The following MYO18B variants were observed in gnomAD, a reference collection of about 807,000 sequenced individuals.
MYO18B encodes myosin XVIIIB.
MYO18B carries 204 observed loss-of-function variants against 273.0 expected under a neutral mutation model. That is an observed-to-expected ratio of 0.75 (90% CI 0.67 to 0.84). The LOEUF (loss-of-function observed/expected upper bound fraction) is 0.84. Ranked by LOEUF, MYO18B falls within the 40% of genes least tolerant of loss-of-function variation. MYO18B has a pLI of 0.00. For synonymous variants in MYO18B, 1,330 were observed against 1,305.7 expected (o/e 1.02, Z -0.40); for missense variants, 3,212 against 3,287.6 (o/e 0.98, Z 0.56).
chr22:25,929,468 C>G (rs1334032193), intron 34 of MYO18B, among the ~76,000 whole-genome samples: 1 of 152,220 alleles, frequency 6.6e-6, no homozygotes, highest in Non-Finnish European at 1.5e-5. Context: ...CAAATAACAT[C>G]TGTGAGCAGC....
chr22:26,027,413 C>A lies in MYO18B; in HGVS notation c.7439C>A (p.Ala2480Asp). The change falls in exon 43 of 44, where the codon GCT (alanine) becomes GAT (aspartate). Residue 2480 changes from alanine (A) to aspartate (D), a missense_variant. Transcript: ENST00000335473. This position sits in a 1 kb window ranked among gnomAD's most constrained non-coding sequence, Gnocchi z 4.1. ...AGCATCCACTTTGAAACGGAAGAGGCTAACCGTTCCTTTCTCTCGGGGATC... is the reference window on the plus strand; with the variant it reads ...AGCATCCACTTTGAAACGGAAGAGGATAACCGTTCCTTTCTCTCGGGGATC... ...RSSIHFETEEANRSFLSGIKT... is the reference protein window; with the variant it reads ...RSSIHFETEEDNRSFLSGIKT... 11 of 1,613,968 alleles carry A rather than the reference C, an allele frequency of 6.8e-6. No homozygotes were observed. The highest frequency in any genetic ancestry group is 9.3e-6 in the Non-Finnish European group (11 of 1,179,878).
At chr22:25,755,309 C>T (rs577885401) in intron 1 of MYO18B, among the ~76,000 whole-genome samples, 3 of 152,236 alleles carry the variant, frequency 2.0e-5, no homozygotes, top group African/African-American at 4.8e-5. Context: ...CAGGTTCAAG[C>T]GATTCTCCTG....
At chr22:25,914,443 T>G (rs766632814) in intron 33 of MYO18B, among the ~76,000 whole-genome samples, 12 of 152,084 alleles carry the variant, frequency 7.9e-5, no homozygotes, top group African/African-American at 1.7e-4. Flanking sequence ...TGGACTTTTT[T>G]GTTAGATTTA....
chr22:25,782,294 G>A (rs146468460), intron 10 of MYO18B, among the ~76,000 whole-genome samples: 128 of 152,324 alleles, frequency 8.4e-4, no homozygotes, highest in African/African-American at 2.8e-3. Context: ...CCCTGGCAGC[G>A]GTATGGGAAG....
chr22:25,891,084 G>A (rs978918700), intron 26 of MYO18B, among the ~76,000 whole-genome samples: 2 of 152,180 alleles, frequency 1.3e-5, no homozygotes, highest in Admixed American at 6.5e-5. Context: ...CTAGAGAGGC[G>A]AATAGGAGAG....
chr22:25,763,987 TG>T (rs766882266), intron 3 of MYO18B, among the ~76,000 whole-genome samples: 6 of 152,194 alleles, frequency 3.9e-5, no homozygotes, highest in Non-Finnish European at 8.8e-5. Context: ...AGGTGGTAAA[TG>T]GTTGTAACCC....
intron 29 of MYO18B, among the ~76,000 whole-genome samples, chr22:25,902,247 T>C (rs926669532): frequency 1.6e-4 from 24 of 152,178 alleles, no homozygotes; most frequent in Non-Finnish European, 2.6e-4. Context: ...ATTAGCATTT[T>C]AGTAGGGAGA....
Position 25,768,828 on chromosome 22 carries a change from T to C in MYO18B, c.912T>C (p.Ser304=). ...EKGNVSKDVG[S]EGKHVRPQIP... Reference sequence around the variant, plus strand: ...GGAATGTCTCTAAGGACGTAGGGAGTGAAGGGAAGCACGTAAGGCCCCAAA... The same window carrying C: ...GGAATGTCTCTAAGGACGTAGGGAGCGAAGGGAAGCACGTAAGGCCCCAAA... The change falls in exon 4 of 44, where the codon AGT becomes AGC. Residue 304 remains serine (S), a synonymous_variant. Transcript: ENST00000335473. 1.9e-6 allele frequency: 3 copies of C among 1,610,596 alleles called. No homozygotes were observed. Among genetic ancestry groups the C allele is most frequent in the Non-Finnish European group, 2.5e-6 (3 of 1,178,672 alleles).
the MYO18B span, among the ~76,000 whole-genome samples, chr22:26,039,328 A>T: frequency 1.3e-5 from 2 of 152,182 alleles, no homozygotes; most frequent in Non-Finnish European, 2.9e-5. Context: ...CTCCAATCCT[A>T]GCATGATCTT....
intron 39 of MYO18B, among the ~76,000 whole-genome samples, chr22:25,955,578 G>A (rs76104740): frequency 6.6e-6 from 1 of 152,284 alleles, no homozygotes; most frequent in South Asian, 2.1e-4. Flanking sequence ...GTGGACCAAT[G>A]ACATTCACTG....
At chr22:25,840,979 G>T (rs73169000) in intron 17 of MYO18B, among the ~76,000 whole-genome samples, 18,943 of 152,212 alleles carry the variant, frequency 0.12, 1,291 homozygotes, top group East Asian at 0.18. Context: ...TTCCTCTATT[G>T]CTTTCTGGTT....
chr22:26,054,638 C>T, the MYO18B span, among the ~76,000 whole-genome samples: 5 of 152,154 alleles, frequency 3.3e-5, no homozygotes, highest in Non-Finnish European at 5.9e-5. Context: ...ATTGCAATTG[C>T]TTCTTCCAAG....
Position 26,027,642 on chromosome 22 carries a change from T to A in MYO18B, c.7668T>A (p.Asp2556Glu). ...REPGTGRKDDDVASIMKKYLQ... is the reference protein window; with the variant it reads ...REPGTGRKDDEVASIMKKYLQ... ...CAGGGACGGGGAGGAAAGACGACGA[T>A]GTTGCGAGCATAATGAAGAAATACC... Residue 2556 changes from aspartate to glutamate, a missense_variant, in exon 43 of 44, where the codon GAT becomes GAA. Transcript: ENST00000335473. This position sits in a 1 kb window ranked among gnomAD's most constrained non-coding sequence, Gnocchi z 4.1. The A allele has an allele frequency of 1.9e-6, 3 of 1,613,632 alleles. No homozygotes were observed. The highest frequency in any genetic ancestry group is 2.2e-5 in the East Asian group (1 of 44,852).
rs10567781 is a variant in MYO18B at position 25,904,943 on chromosome 22, TAAA to T, written c.5148+1126_5148+1128del. On this transcript the variant is annotated intron_variant, in intron 31 of 43. Transcript: ENST00000335473. The stretch of plus-strand genomic sequence containing the variant: ...GGAAATGTGAGTTACATGCCTGAGA[TAAA>T]AAAAAAAAAAAAATTTCTAGGGGAA... Among the ~76,000 whole-genome samples the T allele has an allele frequency of 5.8e-3, 845 of 146,902 alleles. 8 individuals are homozygous for T. Among genetic ancestry groups the T allele is most frequent in the African/African-American group, 0.019 (750 of 40,506 alleles).
intron 21 of MYO18B, among the ~76,000 whole-genome samples, chr22:25,863,341 A>G (rs1172406555): frequency 6.6e-6 from 1 of 152,182 alleles, no homozygotes; most frequent in East Asian, 1.9e-4. Flanking sequence ...GATACTTTCT[A>G]CTGTTTCCCC....
chr22:25,757,968 T>C (rs906273818), intron 1 of MYO18B, among the ~76,000 whole-genome samples: 6 of 152,318 alleles, frequency 3.9e-5, no homozygotes, highest in Middle Eastern at 3.4e-3. Context: ...GAAAAAGATA[T>C]AGTCACTTTG....
At chr22:26,056,412 C>T in the MYO18B span, among the ~76,000 whole-genome samples, 1 of 152,156 alleles carries the variant, frequency 6.6e-6, no homozygotes, top group African/African-American at 2.4e-5. Flanking sequence ...CAAGGTCAAA[C>T]GGGCCCTAAC....
At chr22:26,017,111 C>T (rs56237338) in intron 42 of MYO18B, among the ~76,000 whole-genome samples, 65,037 of 137,498 alleles carry the variant, frequency 0.47, 16,684 homozygotes, top group African/African-American at 0.56. Flanking sequence ...CTCACTCACT[C>T]CCTTCCTTCC....
the MYO18B span, among the ~76,000 whole-genome samples, chr22:26,047,387 A>G: frequency 6.6e-6 from 1 of 152,064 alleles, no homozygotes; most frequent in South Asian, 2.1e-4. Flanking sequence ...TGGCCTCCCA[A>G]AGTGCTGGGA....
Sources: allele counts gnomAD v4.1 joint callset (sites outside exome capture counted in the v4.1 genomes callset), GRCh38; gene constraint gnomAD v4.1.1; non-coding constraint Gnocchi (gnomAD v3.1); transcripts MANE v1.5; gene names NCBI Gene and HGNC (gene_info 2026-07-23, HGNC 2026-07-21).